HEPH: variants seen among roughly 807,000 people sequenced by gnomAD.
HEPH encodes hephaestin.
Under a neutral mutation model 80.8 loss-of-function variants are expected in HEPH, and 69 were observed. The observed-to-expected ratio is 0.85, with a 90% CI of 0.70 to 1.04. The LOEUF (loss-of-function observed/expected upper bound fraction) is 1.04, where lower values mean the gene tolerates loss of function less well. Ranked by LOEUF, HEPH falls within the 50% of genes least tolerant of loss-of-function variation. The probability of loss-of-function intolerance (pLI) is 0.00; values close to 1 mark genes in which losing one functional copy is unlikely to be tolerated. For missense variants in HEPH, 1,115 were observed against 891.3 expected (o/e 1.25, Z -3.20); for synonymous variants, 431 against 322.8 (o/e 1.34, Z -3.60).
intron 18 of HEPH, among the ~76,000 whole-genome samples, chrX:66,259,538 G>C (rs2091286651): frequency 9.0e-6 from 1 of 111,702 alleles, no homozygotes; most frequent in African/African-American, 3.3e-5. Flanking sequence ...AGGGGTCAAA[G>C]CTTAAGCCAA....
At chrX:66,165,665 G>A (rs766345443) in intron 1 of HEPH, among the ~76,000 whole-genome samples, 35 of 111,471 alleles carry the variant, frequency 3.1e-4, no homozygotes, top group African/African-American at 1.1e-3. Flanking sequence ...TAAAGGTAAG[G>A]GAGGCTTAAC....
At chrX:66,235,512 G>A (rs999242790) in intron 15 of HEPH, among the ~76,000 whole-genome samples, 3 of 111,307 alleles carry the variant, frequency 2.7e-5, no homozygotes, top group African/African-American at 9.8e-5. Flanking sequence ...TCAGATAGTT[G>A]TAGGTATGTG....
At chrX:66,173,429 G>C (rs977541652) in intron 3 of HEPH, among the ~76,000 whole-genome samples, 160 bp from the exon 4 acceptor site, 1 of 111,877 alleles carries the variant, frequency 8.9e-6, no homozygotes, top group African/African-American at 3.3e-5. Context: ...ACCTAAATCT[G>C]TGCTCTCCTT....
chrX:66,194,460 G>C (rs1340585055), intron 8 of HEPH, among the ~76,000 whole-genome samples: 1 of 111,883 alleles, frequency 8.9e-6, no homozygotes, highest in Non-Finnish European at 1.9e-5. Context: ...CCAAGAGTTA[G>C]AGCCGGAATA....
intron 15 of HEPH, among the ~76,000 whole-genome samples, chrX:66,214,252 T>G (rs2089287363): frequency 8.9e-6 from 1 of 112,344 alleles, no homozygotes; most frequent in African/African-American, 3.2e-5. Context: ...TAAGAGATGA[T>G]GGCAGCTTGG....
At chrX:66,204,754 A>G (rs2088667559) in intron 13 of HEPH, among the ~76,000 whole-genome samples, 1 of 112,514 alleles carries the variant, frequency 8.9e-6, no homozygotes, top group Non-Finnish European at 1.9e-5. Context: ...TTATTTATTT[A>G]GTTCCTCTCA....
intron 4 of HEPH, among the ~76,000 whole-genome samples, chrX:66,185,134 C>A: frequency 2.0e-4 from 1 of 5,006 alleles, no homozygotes; most frequent in Non-Finnish European, 3.1e-4. Context: ...CTGCCCTTAA[C>A]ATTTTTTCCT....
chrX:66,231,063 GT>G (rs1425480332), intron 15 of HEPH, among the ~76,000 whole-genome samples: 4 of 108,664 alleles, frequency 3.7e-5, no homozygotes, highest in African/African-American at 1.3e-4. Flanking sequence ...TTTTTCTCAG[GT>G]TTGTCAAAGA....
intron 20 of HEPH, among the ~76,000 whole-genome samples, chrX:66,263,987 C>A (rs1330421744): frequency 9.0e-6 from 1 of 110,583 alleles, no homozygotes; most frequent in African/African-American, 3.3e-5. Context: ...GAAGTAAATT[C>A]TAGATACTAG....
rs778588310 is a variant in HEPH, at chrX:66,207,292, C to T, written c.2389C>T (p.Pro797Ser). The change falls in exon 14 of 21, where the codon CCT (proline) becomes TCT (serine). Residue 797 changes from proline (P) to serine (S), a missense_variant. Pro to Ser is a moderately conservative substitution (Grantham distance 74, BLOSUM62 -1). Around this residue, in one of 3 missense-constraint regions of HEPH, gnomAD observed 716 missense variants for 523.5 expected, o/e 1.37. Coordinates refer to ENST00000343002, the MANE Select transcript of HEPH (RefSeq NM_001367233.3). ...ATACACTGATGGTACATTCAGGATCCCTCGGCCAAGGACTGGACCAGAAGA... is the reference window on the plus strand; with the variant it reads ...ATACACTGATGGTACATTCAGGATCTCTCGGCCAAGGACTGGACCAGAAGA... ...REYTDGTFRI[P>S]RPRTGPEEHL... 1.8e-5 allele frequency: 21 copies of T among 1,199,033 alleles called. No homozygotes were observed. The highest frequency in any genetic ancestry group is 1.7e-5 in the Non-Finnish European group (15 of 889,354).
At chrX:66,227,190 C>T (rs1293479762) in intron 15 of HEPH, among the ~76,000 whole-genome samples, 1 of 112,012 alleles carries the variant, frequency 8.9e-6, no homozygotes, top group African/African-American at 3.2e-5. Flanking sequence ...ATTACATGGT[C>T]ATTTCAATAG....
At chrX:66,189,961 A>G (rs1486362136) in intron 6 of HEPH, 23 bp downstream of exon 6, 1 of 1,155,553 alleles carries the variant, frequency 8.7e-7, no homozygotes, top group South Asian at 2.0e-5. Context: ...ATTTCTGACC[A>G]TTGGGTTGTA....
intron 15 of HEPH, among the ~76,000 whole-genome samples, chrX:66,240,806 A>T (rs1377872542): frequency 8.9e-6 from 1 of 112,203 alleles, no homozygotes; most frequent in Non-Finnish European, 1.9e-5. Flanking sequence ...CATTCCCTAC[A>T]TACCTATACT....
At chrX:66,241,690 G>A (rs1014516974) in intron 15 of HEPH, among the ~76,000 whole-genome samples, 7 of 111,281 alleles carry the variant, frequency 6.3e-5, no homozygotes, top group African/African-American at 2.0e-4. Flanking sequence ...TGACAATGTT[G>A]GACAGATTAT....
At position 66,189,830 on chromosome X, in the gene HEPH, C is replaced by A; in HGVS notation, c.955C>A (p.His319Asn). Residue 319 changes from histidine to asparagine, a missense_variant, in exon 6 of 21, where the codon CAC becomes AAC. Physicochemically the swap from His to Asn is moderately conservative, Grantham distance 68. This residue lies in a region of HEPH where 391 missense variants were observed against 343.6 expected (regional missense o/e 1.14). Transcript: ENST00000343002. ...ACAGATGCTGACTACCCGTGGACAC[C>A]ACACTGATGTGGCTAACATCTTTCC... ...HGQMLTTRGH[H>N]TDVANIFPAT... 2.5e-6 allele frequency: 3 copies of A among 1,210,276 alleles called. No homozygotes were observed. The highest frequency in any genetic ancestry group is 4.4e-5 in the Admixed American group (2 of 45,809).
chrX:66,188,316 A>T, intron 4 of HEPH, 43 bp from the exon 5 acceptor site: 1 of 1,039,829 alleles, frequency 9.6e-7, no homozygotes, highest in East Asian at 3.3e-5. Context: ...TACTATTGCT[A>T]AGGAAAGGAT....
intron 1 of HEPH, 93 bp downstream of exon 1, chrX:66,164,563 C>T: frequency 3.1e-6 from 2 of 652,532 alleles, no homozygotes; most frequent in Non-Finnish European, 3.7e-6. Context: ...GTCCTGGCCA[C>T]TAGGAGAAAA....
chrX:66,260,212 A>G lies in HEPH; in HGVS notation c.3149A>G (p.Asp1050Gly), dbSNP rs1317142343. 8.3e-7 allele frequency: 1 copy of G among 1,209,193 alleles called. No homozygotes were observed. Among genetic ancestry groups the G allele is most frequent in the Non-Finnish European group, 1.1e-6 (1 of 893,655 alleles). Reference sequence around the variant, plus strand: ...TGGCTGATGCACTGCCATGTGACTGACCATGTCCATGCTGGCATGGAGACC... The same window carrying G: ...TGGCTGATGCACTGCCATGTGACTGGCCATGTCCATGCTGGCATGGAGACC... ...GTWLMHCHVTDHVHAGMETLF... is the reference protein window; with the variant it reads ...GTWLMHCHVTGHVHAGMETLF... The change falls in exon 19 of 21, where the codon GAC becomes GGC. Residue 1050 changes from aspartate to glycine, a missense_variant. Coordinates refer to ENST00000343002, the MANE Select transcript of HEPH (RefSeq NM_001367233.3).
intron 17 of HEPH, among the ~76,000 whole-genome samples, chrX:66,258,248 G>T (rs932254223): frequency 8.9e-6 from 1 of 111,879 alleles, no homozygotes; most frequent in African/African-American, 3.3e-5. Flanking sequence ...AGTGAGTCAT[G>T]CAGACAGTAC....
Sources: allele counts gnomAD v4.1 joint callset (sites outside exome capture counted in the v4.1 genomes callset), GRCh38; gene constraint gnomAD v4.1.1; regional missense constraint gnomAD v4.1.1; transcripts MANE v1.5; gene names NCBI Gene and HGNC (gene_info 2026-07-23, HGNC 2026-07-21).